GRIK1: variants seen among roughly 807,000 people sequenced by gnomAD.
GRIK1 encodes glutamate receptor ionotropic, kainate 1.
In GRIK1, 69 loss-of-function variants were observed where a neutral mutation model predicts 105.7. The observed-to-expected ratio is 0.65, with a 90% confidence interval of 0.54 to 0.80. The LOEUF (loss-of-function observed/expected upper bound fraction) is 0.80, where lower values mean the gene tolerates loss of function less well. Ranked by LOEUF, GRIK1 falls within the 30% of genes least tolerant of loss-of-function variation. GRIK1 has a pLI of 0.00. For synonymous variants in GRIK1, 438 were observed against 431.3 expected, an observed-to-expected ratio of 1.02 and a Z score of -0.19; for missense variants, 1,109 against 1,167.3, an observed-to-expected ratio of 0.95 and a Z score of 0.73.
chr21:29,848,184 C>G (rs1428942037), intron 1 of GRIK1, among the ~76,000 whole-genome samples: 1 of 152,134 alleles, frequency 6.6e-6, no homozygotes, highest in African/African-American at 2.4e-5. Flanking sequence ...CACCCTAAGA[C>G]CCTTAATGCC....
At chr21:29,572,866 G>A (rs1295027383) in intron 14 of GRIK1, among the ~76,000 whole-genome samples, 1 of 152,206 alleles carries the variant, frequency 6.6e-6, no homozygotes, top group East Asian at 1.9e-4. Flanking sequence ...AGCCTCCCTG[G>A]TTCAAGCAAT....
chr21:29,937,199 C>A (rs2071789175), intron 1 of GRIK1, among the ~76,000 whole-genome samples: 1 of 152,088 alleles, frequency 6.6e-6, no homozygotes, highest in Non-Finnish European at 1.5e-5. Flanking sequence ...TGTAGAGAAA[C>A]AGGTTTCCTC....
intron 1 of GRIK1, among the ~76,000 whole-genome samples, chr21:29,913,842 A>T (rs957039026): frequency 3.0e-4 from 46 of 151,868 alleles, no homozygotes; most frequent in Admixed American, 6.6e-4. Flanking sequence ...TTTTCAAGTT[A>T]CACATATACA....
intron 1 of GRIK1, among the ~76,000 whole-genome samples, chr21:29,937,363 G>GGACAT (rs1163850872): frequency 6.6e-6 from 1 of 152,154 alleles, no homozygotes; most frequent in African/African-American, 2.4e-5. Flanking sequence ...AACAACACCA[G>GGACAT]GCCATGCCAT....
At chr21:29,694,947 G>T (rs2063665751) in intron 1 of GRIK1, among the ~76,000 whole-genome samples, 1 of 152,234 alleles carries the variant, frequency 6.6e-6, no homozygotes, top group African/African-American at 2.4e-5. Flanking sequence ...AATATTCAAA[G>T]AACTGGTTTT....
chr21:29,931,122 TA>T (rs2071550462), intron 1 of GRIK1, among the ~76,000 whole-genome samples: 1 of 152,248 alleles, frequency 6.6e-6, no homozygotes, highest in African/African-American at 2.4e-5. Context: ...TTAAAATTAA[TA>T]AACCAGTATT....
intron 3 of GRIK1, among the ~76,000 whole-genome samples, chr21:29,686,893 C>A (rs1478410562): frequency 1.3e-5 from 2 of 152,124 alleles, no homozygotes; most frequent in African/African-American, 4.8e-5. Context: ...CAGGTTTCCA[C>A]CAGGGTCTAA....
rs189577991 is a variant in GRIK1 at position 29,829,593 on chromosome 21, C to T, written c.118+109790G>A. 5.4e-4 allele frequency among the ~76,000 whole-genome samples: 82 copies of T among 152,262 alleles called. No individual in the cohort carries two copies. The East Asian group carries it at 0.012, about 23-fold the overall frequency. On this transcript the variant is annotated intron_variant, in intron 1 of 17. Transcript: ENST00000327783. ...CAAGCAGTGCCACTCAGTATCATTT[C>T]CCTCATTCTAAATGATCGATTCTGC... is the stretch of plus-strand genomic sequence containing the variant.
chr21:29,805,949 T>C (rs2066852180), intron 1 of GRIK1, among the ~76,000 whole-genome samples: 1 of 152,118 alleles, frequency 6.6e-6, no homozygotes, highest in Non-Finnish European at 1.5e-5. Context: ...AACTAGGAGT[T>C]GTGTTGCCAT....
chr21:29,856,015 T>C (rs1011654349), intron 1 of GRIK1, among the ~76,000 whole-genome samples: 1 of 152,164 alleles, frequency 6.6e-6, no homozygotes, highest in Non-Finnish European at 1.5e-5. Context: ...ATCTTGGAAA[T>C]ATTGTTTCAG....
intron 1 of GRIK1, among the ~76,000 whole-genome samples, chr21:29,722,301 TA>T (rs2064341923): frequency 1.3e-5 from 2 of 151,912 alleles, no homozygotes; most frequent in Admixed American, 1.3e-4. Context: ...CTAAAAAATT[TA>T]AAAAAGCACT....
intron 1 of GRIK1, among the ~76,000 whole-genome samples, chr21:29,778,106 T>C (rs2145764942): frequency 6.6e-6 from 1 of 152,316 alleles, no homozygotes; most frequent in South Asian, 2.1e-4. Context: ...AAAAACTTAA[T>C]ATAGAACCTA....
At chr21:29,624,907 G>T (rs986669774) in intron 7 of GRIK1, among the ~76,000 whole-genome samples, 5 of 152,204 alleles carry the variant, frequency 3.3e-5, no homozygotes, top group Admixed American at 3.3e-4. Flanking sequence ...CTCTCCTGCT[G>T]TTCTGGAAAT....
intron 1 of GRIK1, among the ~76,000 whole-genome samples, chr21:29,765,263 A>G (rs1601635366): frequency 6.6e-6 from 1 of 152,174 alleles, no homozygotes; most frequent in South Asian, 2.1e-4. Context: ...TGTCCCTCCT[A>G]CTTTTATTTT....
intron 1 of GRIK1, among the ~76,000 whole-genome samples, chr21:29,852,867 G>A (rs1209899465): frequency 1.2e-4 from 18 of 152,084 alleles, no homozygotes; most frequent in Admixed American, 1.2e-3. Flanking sequence ...GCTTCTTTAA[G>A]TTATAAAGCT....
intron 1 of GRIK1, among the ~76,000 whole-genome samples, chr21:29,923,876 A>G (rs2071269008): frequency 6.6e-6 from 1 of 152,228 alleles, no homozygotes; most frequent in African/African-American, 2.4e-5. Context: ...GATAGAAAAG[A>G]TTTAAGCTTT....
At chr21:29,769,730 C>T (rs2065766941) in intron 1 of GRIK1, among the ~76,000 whole-genome samples, 1 of 152,068 alleles carries the variant, frequency 6.6e-6, no homozygotes, top group Non-Finnish European at 1.5e-5. Flanking sequence ...ATACACAAGC[C>T]AAGGAATACC....
In GRIK1 at chr21:29,555,154, A is replaced by G. The variant is rs201837527; in HGVS notation, c.2505T>C (p.Ile835=). Reference sequence around the variant, plus strand: ...CAGCCAGAACAATGAAGATGCCTCCAATATTTTCCACTCCCAGGGCACTGG... The same window carrying G: ...CAGCCAGAACAATGAAGATGCCTCCGATATTTTCCACTCCCAGGGCACTGG... ...KEASALGVEN[I]GGIFIVLAAG... Residue 835 remains isoleucine, a synonymous_variant, in exon 16 of 18, where the codon ATT becomes ATC. Coordinates refer to ENST00000327783, the MANE Select transcript of GRIK1 (RefSeq NM_001330994.2). 3.0e-5 allele frequency: 49 copies of G among 1,613,962 alleles called. No individual in the cohort carries two copies. In the Admixed American group the frequency reaches 8.2e-4, roughly 27 times the overall value.
intron 1 of GRIK1, among the ~76,000 whole-genome samples, chr21:29,721,225 T>C (rs559230858): frequency 7.2e-5 from 11 of 152,316 alleles, no homozygotes; most frequent in Admixed American, 3.3e-4. Context: ...GATGTGCTTG[T>C]TGTCAGTTTG....
Sources: gnomAD v4.1 joint callset for allele counts (sites outside exome capture counted in the v4.1 genomes callset) on GRCh38, gnomAD v4.1.1 for gene constraint, MANE v1.5 for transcripts, NCBI Gene and HGNC (gene_info 2026-07-23, HGNC 2026-07-21) for gene names.